Variants in U2SURP observed in about 807,000 individuals in gnomAD.
The protein encoded by U2SURP is U2 snRNP associated SURP domain containing.
U2SURP carries 9 observed loss-of-function variants against 144.9 expected under a neutral mutation model. The ratio of observed to expected loss-of-function variants is 0.06; its 90% CI spans 0.04 to 0.11. The LOEUF is 0.11. Ranked by LOEUF, U2SURP falls within the 10% of genes least tolerant of loss-of-function variation. The pLI is 1.00. For synonymous variants in U2SURP, 408 were observed against 396.8 expected, an observed-to-expected ratio of 1.03 and a Z score of -0.33; for missense variants, 724 against 1,226.7, an observed-to-expected ratio of 0.59 and a Z score of 6.12.
At chr3:143,033,002 A>G in intron 17 of U2SURP, 56 bp downstream of exon 17, 1 of 1,566,138 alleles carries the variant, frequency 6.4e-7, no homozygotes, top group South Asian at 1.2e-5. Flanking sequence ...TGGGATTAGA[A>G]TTGGTTTCCT....
Position 143,020,625 on chromosome 3 carries a change from A to G in U2SURP, c.665A>G (p.His222Arg). 1 of 1,612,732 alleles carries G rather than the reference A, an allele frequency of 6.2e-7. No individual in the cohort carries two copies. The highest frequency in any genetic ancestry group is 1.7e-5 in the Admixed American group (1 of 59,894). The change falls in exon 8 of 28, where the codon CAT becomes CGT. Residue 222 changes from histidine to arginine, a missense_variant. Physicochemically the swap from His to Arg is conservative, Grantham distance 29. Coordinates refer to ENST00000473835, the MANE Select transcript of U2SURP (RefSeq NM_001080415.2). ...ATTCAAGAGGAACGTGATGAGAGAC[A>G]TAAAACAAAAGGCAGATTAAGTCGA... ...KQIQEERDER[H>R]KTKGRLSRFE...
At chr3:143,005,946 T>A (rs2108266096) in intron 1 of U2SURP, among the ~76,000 whole-genome samples, 1 of 152,308 alleles carries the variant, frequency 6.6e-6, no homozygotes, top group Non-Finnish European at 1.5e-5. Context: ...CATTCTAGTA[T>A]AGGTGGTTTT....
chr3:143,047,286 T>C (rs376032053), intron 24 of U2SURP, among the ~76,000 whole-genome samples: 521 of 13,054 alleles, frequency 0.04, 118 homozygotes, highest in East Asian at 0.059. Flanking sequence ...CCCCCCCACC[T>C]CCCTCCCGGA....
intron 1 of U2SURP, among the ~76,000 whole-genome samples, chr3:143,003,864 T>G (rs1935676052): frequency 6.6e-6 from 1 of 151,964 alleles, no homozygotes; most frequent in African/African-American, 2.4e-5. Flanking sequence ...GCTAATTTTT[T>G]GTATTTTAGT....
In U2SURP at chr3:143,049,139, G is replaced by A. The variant is rs79159918; in HGVS notation, c.2545-1800G>A. On this transcript the variant is annotated intron_variant, in intron 24 of 27. Coordinates refer to ENST00000473835, the MANE Select transcript of U2SURP (RefSeq NM_001080415.2). ...TCAAAAATTAGGCTTGGTGGCGTGC[G>A]CCTGTAATCCCAGCTACTTGGGAAG... Among the ~76,000 whole-genome samples the A allele has an allele frequency of 1.5e-3, 232 of 150,472 alleles. 1 individual carries two copies. The highest frequency in any genetic ancestry group is 3.4e-3 in the Middle Eastern group (1 of 290).
chr3:143,035,847 G>T, intron 19 of U2SURP, 135 bp from the exon 20 acceptor site: 1 of 895,518 alleles, frequency 1.1e-6, no homozygotes, highest in Non-Finnish European at 1.6e-6. Flanking sequence ...ATGATATATA[G>T]TTATTTTCTT....
At chr3:143,006,342 G>A (rs1044456782) in intron 1 of U2SURP, among the ~76,000 whole-genome samples, 1 of 152,214 alleles carries the variant, frequency 6.6e-6, no homozygotes, top group African/African-American at 2.4e-5. Context: ...TGTTGATAGT[G>A]TGGAGTGTAA....
chr3:143,026,964 C>T (rs1933189242), intron 13 of U2SURP, 185 bp from the exon 14 acceptor site: 2 of 475,522 alleles, frequency 4.2e-6, no homozygotes, highest in African/African-American at 4.0e-5. Flanking sequence ...TCCCTACTCC[C>T]ACTGCCCCAC....
At chr3:143,055,301 A>G (rs1935088996) in intron 27 of U2SURP, among the ~76,000 whole-genome samples, 182 bp downstream of exon 27, 1 of 151,788 alleles carries the variant, frequency 6.6e-6, no homozygotes, top group Non-Finnish European at 1.5e-5. Context: ...CTCTTTCATG[A>G]CTGAAGTGAA....
rs1281753019 is a variant in U2SURP at position 143,021,725 on chromosome 3, T to C, written c.852+170T>C. 6 of 640,306 alleles carry C rather than the reference T, an allele frequency of 9.4e-6. No homozygotes were observed. In the East Asian group the frequency reaches 1.7e-4, roughly 18 times the overall value. The allele number at this position is 640,306 out of a possible 1,614,324, so 39.7% of individuals were successfully genotyped here. A position where few individuals can be genotyped will look rare whatever the true frequency, so the allele number is the denominator to read the frequency against. ...GGTTGTCTTGCCACATATTCTTGTTTCCTCTTTCAGTAACTAGATTGAACT... is the reference window on the plus strand; with the variant it reads ...GGTTGTCTTGCCACATATTCTTGTTCCCTCTTTCAGTAACTAGATTGAACT... On this transcript the variant is annotated intron_variant, in intron 10 of 27. Transcript: ENST00000473835.
At chr3:143,055,522 C>T (rs1416959561) in intron 27 of U2SURP, among the ~76,000 whole-genome samples, 3 of 152,116 alleles carry the variant, frequency 2.0e-5, no homozygotes, top group Non-Finnish European at 4.4e-5. Flanking sequence ...AAATACATAT[C>T]ATGAATACCA....
In U2SURP at chr3:143,038,882, C is replaced by G; in HGVS notation, c.2318-12C>G. On this transcript the variant is annotated splice_polypyrimidine_tract_variant and intron_variant, in intron 22 of 27. Coordinates refer to ENST00000473835, the MANE Select transcript of U2SURP (RefSeq NM_001080415.2). ...CCTCGTGGAATTACATCCTCCTTTTCCTTTCATTCAGCTGTTACAACTTCT... is the reference window on the plus strand; with the variant it reads ...CCTCGTGGAATTACATCCTCCTTTTGCTTTCATTCAGCTGTTACAACTTCT... 2 of 1,534,176 alleles carry G rather than the reference C, an allele frequency of 1.3e-6. No homozygotes were observed. The highest frequency in any genetic ancestry group is 1.8e-6 in the Non-Finnish European group (2 of 1,141,060).
In U2SURP at chr3:143,037,608, T is replaced by G. The variant is rs112244617; in HGVS notation, c.2221+273T>G. On this transcript the variant is annotated intron_variant, in intron 21 of 27. Coordinates refer to ENST00000473835, the MANE Select transcript of U2SURP (RefSeq NM_001080415.2). ...CTCCTATAATATTAGCAAGTTTCTCTTTTTGTCTTGTCAGGAAATTATAGG... is the reference window on the plus strand; with the variant it reads ...CTCCTATAATATTAGCAAGTTTCTCGTTTTGTCTTGTCAGGAAATTATAGG... Among the ~76,000 whole-genome samples, 1,168 of 152,256 alleles carry G rather than the reference T, an allele frequency of 7.7e-3. 10 individuals carry two copies. Among genetic ancestry groups the G allele is most frequent in the Middle Eastern group, 0.048 (14 of 294 alleles).
At chr3:143,042,174 C>G (rs562853205) in intron 23 of U2SURP, among the ~76,000 whole-genome samples, 1 of 152,182 alleles carries the variant, frequency 6.6e-6, no homozygotes, top group East Asian at 1.9e-4. Flanking sequence ...AAGTGACTTA[C>G]TCATGATAGT....
At chr3:143,033,402 G>A in intron 18 of U2SURP, 52 bp downstream of exon 18, 3 of 999,312 alleles carry the variant, frequency 3.0e-6, no homozygotes, top group Non-Finnish European at 3.0e-6. Context: ...TTAAGGGTAA[G>A]GAGTTCAGAA....
Position 143,056,563 on chromosome 3 carries a change from T to G in U2SURP, c.*113T>G. Reference sequence around the variant, plus strand: ...ATGAAAGAGCATTCCTGGGGTTTTTTGTTTGTTTGTGTATGCATGTGTAAA... The same window carrying G: ...ATGAAAGAGCATTCCTGGGGTTTTTGGTTTGTTTGTGTATGCATGTGTAAA... On this transcript the variant is annotated 3_prime_UTR_variant, in exon 28 of 28. Transcript: ENST00000473835. 7.5e-7 allele frequency: 1 copy of G among 1,331,492 alleles called. No individual in the cohort carries two copies. The highest frequency in any genetic ancestry group is 1.0e-6 in the Non-Finnish European group (1 of 984,456). The allele number at this position is 1,331,492 out of a possible 1,614,324, so 82.5% of individuals were successfully genotyped here. A position where few individuals can be genotyped will look rare whatever the true frequency, so the allele number is the denominator to read the frequency against.
rs1311074192 is a variant in U2SURP at position 143,001,677 on chromosome 3, A to C, written c.45+4A>C. On this transcript the variant is annotated splice_donor_region_variant and intron_variant, in intron 1 of 27. Coordinates refer to ENST00000473835, the MANE Select transcript of U2SURP (RefSeq NM_001080415.2). ...ATCTCAGAAGGCCAGTTCAAAGGTAATTTCTGACAAAATTTCGTAAGTCAG... is the reference window on the plus strand; with the variant it reads ...ATCTCAGAAGGCCAGTTCAAAGGTACTTTCTGACAAAATTTCGTAAGTCAG... 3 of 1,613,694 alleles carry C rather than the reference A, an allele frequency of 1.9e-6. No individual in the cohort carries two copies. Among genetic ancestry groups the C allele is most frequent in the Non-Finnish European group, 2.5e-6 (3 of 1,179,828 alleles).
intron 16 of U2SURP, among the ~76,000 whole-genome samples, chr3:143,032,148 C>T (rs1933539069): frequency 6.6e-6 from 1 of 151,990 alleles, no homozygotes. Context: ...TCTTGGCTCA[C>T]TGCAACCTCT....
intron 23 of U2SURP, among the ~76,000 whole-genome samples, chr3:143,042,069 C>T (rs1387689919): frequency 1.3e-5 from 2 of 152,038 alleles, no homozygotes; most frequent in African/African-American, 4.8e-5. Context: ...TAATCCTGTA[C>T]TAGCATTGAT....
Sources: allele counts gnomAD v4.1 joint callset (sites outside exome capture counted in the v4.1 genomes callset), GRCh38; gene constraint gnomAD v4.1.1; transcripts MANE v1.5; gene names NCBI Gene and HGNC (gene_info 2026-07-23, HGNC 2026-07-21).